The following HECW2 variants were observed in gnomAD, a reference collection of about 807,000 sequenced individuals.
HECW2 encodes the protein E3 ubiquitin-protein ligase HECW2.
HECW2 carries 61 observed loss-of-function variants against 175.2 expected under a neutral mutation model. The observed-to-expected ratio is 0.35, with a 90% CI of 0.28 to 0.43. The LOEUF is 0.43. Ranked by LOEUF, HECW2 falls within the 20% of genes least tolerant of loss-of-function variation. The pLI, the probability that HECW2 is intolerant of heterozygous loss-of-function variation, is 1.00. For synonymous variants in HECW2, 671 were observed against 731.0 expected, an observed-to-expected ratio of 0.92 and a Z score of 1.32; for missense variants, 1,524 against 2,000.5, an observed-to-expected ratio of 0.76 and a Z score of 4.54.
chr2:196,282,940 A>G (rs917084312), intron 14 of HECW2, among the ~76,000 whole-genome samples: 4 of 152,028 alleles, frequency 2.6e-5, no homozygotes, highest in African/African-American at 7.2e-5. Flanking sequence ...TTTTTGGTTT[A>G]CAAAATGAAG....
At chr2:196,446,006 T>C (rs1696173801) in intron 1 of HECW2, among the ~76,000 whole-genome samples, 5 of 152,174 alleles carry the variant, frequency 3.3e-5, no homozygotes, top group Admixed American at 3.3e-4. Context: ...ATCATTTTGT[T>C]CTCTACCAAA....
chr2:196,253,362 CTCATCCACCCAT>C (rs934530220), intron 19 of HECW2, among the ~76,000 whole-genome samples: 1 of 152,212 alleles, frequency 6.6e-6, no homozygotes, highest in Non-Finnish European at 1.5e-5. Context: ...CTACCATTTG[CTCATCCACCCAT>C]TCATCCACCC....
At chr2:196,443,328 T>C (rs1696092782) in intron 1 of HECW2, among the ~76,000 whole-genome samples, 1 of 152,156 alleles carries the variant, frequency 6.6e-6, no homozygotes, top group South Asian at 2.1e-4. Flanking sequence ...GCCAATATCA[T>C]AGACCCTTAA....
chr2:196,208,550 C>G (rs919919166), intron 28 of HECW2, among the ~76,000 whole-genome samples: 49 of 152,204 alleles, frequency 3.2e-4, no homozygotes, highest in African/African-American at 1.1e-3. Flanking sequence ...TGGGTCAAGC[C>G]TAGTGAAGGA....
chr2:196,343,523 T>A, intron 3 of HECW2, 134 bp downstream of exon 3: 1 of 635,068 alleles, frequency 1.6e-6, no homozygotes, highest in Non-Finnish European at 2.7e-6. Context: ...TAAAACAATA[T>A]ATTTTCCATC....
In HECW2 at chr2:196,201,086, C is replaced by G. The variant is rs1186559045; in HGVS notation, c.*191G>C. On this transcript the variant is annotated 3_prime_UTR_variant, in exon 29 of 29. Transcript: ENST00000644978. ...GTTGGGTTGTTCCCTGGGCATCAAG[C>G]TCACCCAAATCCTTCCAAGAGGACT... The G allele has an allele frequency of 1.9e-5, 10 of 539,922 alleles. No individual in the cohort carries two copies. The highest frequency in any genetic ancestry group is 3.0e-5 in the Non-Finnish European group (9 of 296,416). 33.4% of individuals were successfully genotyped at this position (539,922 alleles called of 1,614,324 possible).
At chr2:196,528,584 A>C (rs1688746092) in intron 1 of HECW2, among the ~76,000 whole-genome samples, 2 of 152,330 alleles carry the variant, frequency 1.3e-5, no homozygotes, top group East Asian at 1.9e-4. Flanking sequence ...CCAGAACAGG[A>C]TGCTCCTTCA....
chr2:196,259,518 T>G (rs1366083977), intron 17 of HECW2, among the ~76,000 whole-genome samples: 1 of 152,256 alleles, frequency 6.6e-6, no homozygotes, highest in African/African-American at 2.4e-5. Flanking sequence ...TCTTTAGTAT[T>G]TGCCAAACTT....
intron 1 of HECW2, among the ~76,000 whole-genome samples, chr2:196,477,776 G>A (rs1045087284): frequency 6.6e-6 from 1 of 152,206 alleles, no homozygotes; most frequent in Non-Finnish European, 1.5e-5. Flanking sequence ...GAGAGGCTGG[G>A]TGCAGTGACT....
At chr2:196,227,404 T>G (rs528171651) in intron 22 of HECW2, among the ~76,000 whole-genome samples, 1 of 152,114 alleles carries the variant, frequency 6.6e-6, no homozygotes, top group South Asian at 2.1e-4. Context: ...TTTGGGATTT[T>G]CAGCATAAAT....
intron 3 of HECW2, among the ~76,000 whole-genome samples, chr2:196,339,879 A>G (rs1692682379): frequency 6.6e-6 from 1 of 152,200 alleles, no homozygotes; most frequent in Admixed American, 6.5e-5. Context: ...TCATCTACCC[A>G]CATTTATACT....
chr2:196,222,208 C>T lies in HECW2; in HGVS notation c.4146+3G>A, dbSNP rs369375782. ...TAGGCGCCAGGTGTGCAGATACACA[C>T]ACCTGCCCAAATACTTCTTCGTTCA... On this transcript the variant is annotated splice_donor_region_variant and intron_variant, in intron 24 of 28. Coordinates refer to ENST00000644978, the MANE Select transcript of HECW2 (RefSeq NM_001348768.2). 1.3e-5 allele frequency: 21 copies of T among 1,612,800 alleles called. 1 individual carries two copies. In the African/African-American group the frequency reaches 2.8e-4, roughly 22 times the overall value.
At chr2:196,307,283 A>C (rs1392323123) in intron 11 of HECW2, 50 bp from the exon 12 acceptor site, 2 of 1,226,806 alleles carry the variant, frequency 1.6e-6, no homozygotes, top group Admixed American at 3.4e-5. Context: ...AAGAGATGGG[A>C]CTCAACTGCT....
Position 196,433,451 on chromosome 2 carries a change from C to T in HECW2, c.-28G>A, listed in dbSNP as rs1236864501. The T allele has an allele frequency of 6.2e-7, 1 of 1,600,894 alleles. No homozygotes were observed. The highest frequency in any genetic ancestry group is 1.7e-5 in the Admixed American group (1 of 58,306). On this transcript the variant is annotated 5_prime_UTR_variant, in exon 2 of 29. Coordinates refer to ENST00000644978, the MANE Select transcript of HECW2 (RefSeq NM_001348768.2). Reference sequence around the variant, plus strand: ...CGTCTGCTTCTCTGGGATTGGCTGCCTACAAAGCTGCAAGAGACAGATAAA... The same window carrying T: ...CGTCTGCTTCTCTGGGATTGGCTGCTTACAAAGCTGCAAGAGACAGATAAA...
intron 1 of HECW2, among the ~76,000 whole-genome samples, chr2:196,459,984 A>G (rs1200443851): frequency 6.6e-6 from 1 of 151,564 alleles, no homozygotes; most frequent in Non-Finnish European, 1.5e-5. Context: ...ATATTCCTCC[A>G]CCTCCTTCAG....
intron 1 of HECW2, among the ~76,000 whole-genome samples, chr2:196,549,565 T>C (rs1689540751): frequency 6.6e-6 from 1 of 152,032 alleles, no homozygotes. Flanking sequence ...TGGTCAACAC[T>C]ACATTTTCTG....
intron 2 of HECW2, among the ~76,000 whole-genome samples, chr2:196,365,760 G>T (rs137962666): frequency 9.2e-4 from 140 of 152,214 alleles, no homozygotes; most frequent in Middle Eastern, 3.4e-3. Flanking sequence ...CACTAAAAAC[G>T]ATCATGACTA....
At chr2:196,238,493 A>G (rs1477232190) in intron 21 of HECW2, 1 of 151,858 alleles carries the variant, frequency 6.6e-6, no homozygotes, top group Admixed American at 6.6e-5. Flanking sequence ...TTTCCAGCAC[A>G]ATTACTGTTT....
intron 2 of HECW2, among the ~76,000 whole-genome samples, chr2:196,371,939 G>GTATTTCT (rs2105904056): frequency 6.6e-6 from 1 of 152,230 alleles, no homozygotes; most frequent in South Asian, 2.1e-4. Context: ...TAACATTTTA[G>GTATTTCT]TAACATTTCT....
Sources: gnomAD v4.1 joint callset for allele counts (sites outside exome capture counted in the v4.1 genomes callset) on GRCh38, gnomAD v4.1.1 for gene constraint, MANE v1.5 for transcripts, NCBI Gene and HGNC (gene_info 2026-07-23, HGNC 2026-07-21) for gene names.